Variants in KCNH8 observed in about 807,000 individuals in gnomAD.
KCNH8 encodes voltage-gated delayed rectifier potassium channel KCNH8.
Under a neutral mutation model 103.6 loss-of-function variants are expected in KCNH8, and 70 were observed. The observed-to-expected ratio is 0.68, with a 90% confidence interval of 0.56 to 0.82. The LOEUF is 0.82. KCNH8 is among the 40% of genes least tolerant of loss of function. The probability of loss-of-function intolerance (pLI) is 0.00; values close to 1 mark genes in which losing one functional copy is unlikely to be tolerated. For missense variants in KCNH8, 1,217 were observed against 1,329.9 expected, an observed-to-expected ratio of 0.92 and a Z score of 1.32; for synonymous variants, 498 against 489.4, an observed-to-expected ratio of 1.02 and a Z score of -0.23.
intron 1 of KCNH8, among the ~76,000 whole-genome samples, chr3:19,243,348 C>G (rs2064165638): frequency 6.6e-6 from 1 of 152,112 alleles, no homozygotes; most frequent in South Asian, 2.1e-4. Context: ...TTTTTTCCAT[C>G]TCTGCATTAT....
chr3:19,533,857 G>A lies in KCNH8; in HGVS notation c.3082G>A (p.Ala1028Thr). ...STLTPLQSIS[A>T]TLSSSVCSSS... ...GTTGACGCCTCTGCAGTCCATTTCA[G>A]CAACTCTCTCATCTTCTGTCTGCTC... The change falls in exon 16 of 16, where the codon GCA (alanine) becomes ACA (threonine). Residue 1028 changes from alanine to threonine, a missense_variant. By Grantham distance (58) the Ala-to-Thr change is moderately conservative. Around this residue, in one of 3 missense-constraint regions of KCNH8, gnomAD observed 558 missense variants for 495.8 expected, o/e 1.13. Coordinates refer to ENST00000328405, the MANE Select transcript of KCNH8 (RefSeq NM_144633.3). 2.5e-6 allele frequency: 4 copies of A among 1,614,122 alleles called. No individual in the cohort carries two copies. In the South Asian group the frequency reaches 4.4e-5, roughly 18 times the overall value.
At chr3:19,511,156 C>A (rs1266992999) in intron 12 of KCNH8, among the ~76,000 whole-genome samples, 1 of 151,784 alleles carries the variant, frequency 6.6e-6, no homozygotes. Flanking sequence ...CCCCCCACCC[C>A]CCACAGGCAC....
intron 11 of KCNH8, among the ~76,000 whole-genome samples, chr3:19,481,976 C>T (rs1327456991): frequency 1.3e-5 from 2 of 152,172 alleles, no homozygotes; most frequent in African/African-American, 2.4e-5. Context: ...GGGCTTTATT[C>T]ACCTGGGAGC....
At chr3:19,522,335 A>G (rs966422696) in intron 15 of KCNH8, among the ~76,000 whole-genome samples, 3 of 151,722 alleles carry the variant, frequency 2.0e-5, no homozygotes, top group South Asian at 2.1e-4. Context: ...CAGTGGTGTC[A>G]GTTCCATTTC....
intron 1 of KCNH8, among the ~76,000 whole-genome samples, chr3:19,219,179 C>T (rs2063846646): frequency 6.6e-6 from 1 of 152,132 alleles, no homozygotes; most frequent in Non-Finnish European, 1.5e-5. Context: ...CTTTCATCCT[C>T]ACTACCACTG....
chr3:19,394,675 T>C (rs2066488409), intron 6 of KCNH8, among the ~76,000 whole-genome samples: 1 of 152,040 alleles, frequency 6.6e-6, no homozygotes, highest in South Asian at 2.1e-4. Flanking sequence ...TCTGTGCCTT[T>C]ACTTCAATTT....
At chr3:19,176,320 A>C (rs2063399137) in intron 1 of KCNH8, among the ~76,000 whole-genome samples, 1 of 152,162 alleles carries the variant, frequency 6.6e-6, no homozygotes, top group African/African-American at 2.4e-5. Context: ...TTGTGCCCTT[A>C]CTCTGCTGAA....
At chr3:19,175,474 G>C (rs1335085883) in intron 1 of KCNH8, among the ~76,000 whole-genome samples, 1 of 152,126 alleles carries the variant, frequency 6.6e-6, no homozygotes, top group Non-Finnish European at 1.5e-5. Flanking sequence ...CTCCCAAAGT[G>C]CTAGGATTAC....
At chr3:19,289,605 A>G (rs1270030383) in intron 3 of KCNH8, among the ~76,000 whole-genome samples, 1 of 152,146 alleles carries the variant, frequency 6.6e-6, no homozygotes, top group Non-Finnish European at 1.5e-5. Context: ...TGGTACCAGT[A>G]CCATGCTGTT....
chr3:19,368,250 T>G (rs1268610409), intron 5 of KCNH8, among the ~76,000 whole-genome samples: 3 of 152,052 alleles, frequency 2.0e-5, no homozygotes, highest in Admixed American at 2.0e-4. Context: ...TAGGGAAATT[T>G]GTCTAAGCAT....
intron 7 of KCNH8, among the ~76,000 whole-genome samples, chr3:19,402,864 C>T (rs1007664972): frequency 6.6e-5 from 10 of 151,836 alleles, no homozygotes; most frequent in Non-Finnish European, 1.2e-4. Context: ...TATAGTATCT[C>T]ATCATTTATA....
intron 3 of KCNH8, among the ~76,000 whole-genome samples, chr3:19,332,068 T>TC (rs1553638574): frequency 9.9e-4 from 150 of 152,044 alleles, no homozygotes; most frequent in Middle Eastern, 3.4e-3. Flanking sequence ...TTTTTTTTTT[T>TC]CACATACACT....
intron 15 of KCNH8, among the ~76,000 whole-genome samples, chr3:19,523,417 T>C (rs991116242): frequency 5.9e-5 from 9 of 151,968 alleles, no homozygotes; most frequent in African/African-American, 2.2e-4. Flanking sequence ...CCAGTTACTG[T>C]TTCTAACATA....
chr3:19,413,562 CAA>C (rs559584844), intron 7 of KCNH8, among the ~76,000 whole-genome samples: 21 of 152,024 alleles, frequency 1.4e-4, no homozygotes, highest in East Asian at 9.7e-4. Flanking sequence ...AAAAAGAAAA[CAA>C]GAGATTAGAA....
In KCNH8 at chr3:19,513,275, A is replaced by T. The variant is rs1431787059; in HGVS notation, c.2385A>T (p.Lys795Asn). Residue 795 changes from lysine to asparagine, a missense_variant, in exon 13 of 16, where the codon AAA becomes AAT. This residue lies in a region of KCNH8 where 558 missense variants were observed against 495.8 expected (regional missense o/e 1.13). Transcript: ENST00000328405. ...NHNKRKEKNL[K>N]LQLSTLNNAG... ...ATAAAAGGAAAGAGAAGAACTTGAA[A>T]TTGCAACTTTCAACTTTGAATAATG... 34 of 1,612,552 alleles carry T rather than the reference A, an allele frequency of 2.1e-5. No homozygotes were observed. The Admixed American group carries it at 5.7e-4, about 27-fold the overall frequency.
At chr3:19,387,614 A>T (rs2066374856) in intron 5 of KCNH8, among the ~76,000 whole-genome samples, 2 of 152,138 alleles carry the variant, frequency 1.3e-5, no homozygotes, top group African/African-American at 4.8e-5. Flanking sequence ...ATAAACATAC[A>T]GTCTTTGCAA....
intron 7 of KCNH8, among the ~76,000 whole-genome samples, chr3:19,403,036 G>A (rs1484940052): frequency 6.6e-6 from 1 of 151,698 alleles, no homozygotes; most frequent in Non-Finnish European, 1.5e-5. Flanking sequence ...AAGTCCCTTA[G>A]TATTCAGATT....
In KCNH8 at chr3:19,367,379, ACTCTCT is replaced by A. The variant is rs145060744; in HGVS notation, c.811+19425_811+19430del. Among the ~76,000 whole-genome samples, 27 of 140,070 alleles carry A rather than the reference ACTCTCT, an allele frequency of 1.9e-4. No individual in the cohort carries two copies. In the East Asian group the frequency reaches 4.2e-3, roughly 22 times the overall value. The allele number at this position is 140,070 out of a possible 152,430, so 91.9% of individuals were successfully genotyped here. A position where few individuals can be genotyped will look rare whatever the true frequency, so the allele number is the denominator to read the frequency against. ...CCCCGTATTATAATTGTGTACCCCC[ACTCTCT>A]CTCTCTCTCTATATATATATTTATA... is the stretch of plus-strand genomic sequence containing the variant. On this transcript the variant is annotated intron_variant, in intron 5 of 15. Transcript: ENST00000328405.
At chr3:19,219,433 A>G (rs1310741824) in intron 1 of KCNH8, among the ~76,000 whole-genome samples, 2 of 151,880 alleles carry the variant, frequency 1.3e-5, no homozygotes, top group African/African-American at 2.4e-5. Flanking sequence ...GTCTTTTTTT[A>G]TTCTGTTGTA....
Sources: gnomAD v4.1 joint callset for allele counts (sites outside exome capture counted in the v4.1 genomes callset) on GRCh38, gnomAD v4.1.1 for gene constraint, gnomAD v4.1.1 regional missense constraint, MANE v1.5 for transcripts, NCBI Gene and HGNC (gene_info 2026-07-23, HGNC 2026-07-21) for gene names.